Variants in DLG2 observed in about 807,000 individuals in gnomAD.
The protein encoded by DLG2 is discs large MAGUK scaffold protein 2.
A neutral mutation model predicts 132.5 loss-of-function variants in DLG2; 45 were observed. That is an observed-to-expected ratio of 0.34 (90% confidence interval 0.27 to 0.44). DLG2 has a LOEUF of 0.44. Among genes scored for constraint, DLG2 ranks in the 20% least tolerant of loss-of-function variants. The pLI, the probability that DLG2 is intolerant of heterozygous loss-of-function variation, is 1.00. For synonymous variants in DLG2, 424 were observed against 419.6 expected, an observed-to-expected ratio of 1.01 and a Z score of -0.13; for missense variants, 1,045 against 1,196.9, an observed-to-expected ratio of 0.87 and a Z score of 1.87.
intron 3 of DLG2, among the ~76,000 whole-genome samples, chr11:85,552,317 A>C (rs558188408): frequency 6.6e-6 from 1 of 151,702 alleles, no homozygotes; most frequent in East Asian, 1.9e-4. Flanking sequence ...AAATAAATGC[A>C]AAACTCATTT....
intron 6 of DLG2, among the ~76,000 whole-genome samples, chr11:84,951,217 T>A (rs1160356546): frequency 6.6e-6 from 1 of 152,206 alleles, no homozygotes; most frequent in African/African-American, 2.4e-5. Context: ...ATGCTAGAAA[T>A]CATGCCAAGA....
At chr11:84,173,595 C>G (rs539551106) in intron 8 of DLG2, among the ~76,000 whole-genome samples, 11 of 152,244 alleles carry the variant, frequency 7.2e-5, no homozygotes, top group African/African-American at 2.6e-4. Flanking sequence ...ACCAGATAGT[C>G]AAGAATATTT....
At chr11:84,371,885 A>G (rs2098708168) in intron 7 of DLG2, among the ~76,000 whole-genome samples, 1 of 152,198 alleles carries the variant, frequency 6.6e-6, no homozygotes, top group Non-Finnish European at 1.5e-5. Flanking sequence ...TTACTTTATT[A>G]AAAAGATAAC....
At chr11:85,227,426 A>G (rs1251493654) in intron 4 of DLG2, among the ~76,000 whole-genome samples, 1 of 152,104 alleles carries the variant, frequency 6.6e-6, no homozygotes, top group African/African-American at 2.4e-5. Flanking sequence ...ACAGTCACTC[A>G]TCAGATATAC....
intron 18 of DLG2, among the ~76,000 whole-genome samples, chr11:83,695,583 AC>A (rs1252539224): frequency 6.6e-6 from 1 of 152,118 alleles, no homozygotes; most frequent in Non-Finnish European, 1.5e-5. Context: ...TACTAAAAAT[AC>A]CAAAATTAGC....
At chr11:85,593,886 G>A (rs2079545593) in intron 3 of DLG2, among the ~76,000 whole-genome samples, 1 of 152,004 alleles carries the variant, frequency 6.6e-6, no homozygotes, top group Non-Finnish European at 1.5e-5. Context: ...TTAATTGTGT[G>A]TTTAATGTCT....
At chr11:84,238,824 T>G (rs1423666702) in intron 8 of DLG2, among the ~76,000 whole-genome samples, 1 of 152,154 alleles carries the variant, frequency 6.6e-6, no homozygotes, top group Non-Finnish European at 1.5e-5. Context: ...CTGTCTTCCC[T>G]GTCATCATCT....
rs1411656122 is a variant in DLG2, at chr11:85,035,852, C to T, written c.357+75809G>A. On this transcript the variant is annotated intron_variant, in intron 6 of 27. Transcript: ENST00000376104. ...CATGCTTATCTTGAGTTATGATAAC[C>T]CCCACCCATCCGTCATGCATATTTG... is the stretch of plus-strand genomic sequence containing the variant. 2.6e-5 allele frequency among the ~76,000 whole-genome samples: 4 copies of T among 152,048 alleles called. No individual in the cohort carries two copies. In the East Asian group the frequency reaches 7.7e-4, roughly 29 times the overall value.
chr11:85,135,215 C>CT, intron 5 of DLG2, among the ~76,000 whole-genome samples: 1 of 152,238 alleles, frequency 6.6e-6, no homozygotes, highest in Non-Finnish European at 1.5e-5. Flanking sequence ...CCTATAGCAC[C>CT]TTAAAGTTGA....
At chr11:85,557,686 G>A (rs932960770) in intron 3 of DLG2, among the ~76,000 whole-genome samples, 1 of 151,732 alleles carries the variant, frequency 6.6e-6, no homozygotes, top group Non-Finnish European at 1.5e-5. Context: ...ACAAAGTCCA[G>A]CAAAAACAAG....
At chr11:84,070,408 C>G (rs765294249) in intron 10 of DLG2, among the ~76,000 whole-genome samples, 23 of 152,102 alleles carry the variant, frequency 1.5e-4, no homozygotes, top group Admixed American at 1.2e-3. Context: ...CCATAATGTC[C>G]CAATTGCAAA....
At chr11:84,713,376 T>C (rs1253072743) in intron 6 of DLG2, among the ~76,000 whole-genome samples, 1 of 152,056 alleles carries the variant, frequency 6.6e-6, no homozygotes, top group Non-Finnish European at 1.5e-5. Flanking sequence ...AAAGATTAAG[T>C]GAGTTGACAT....
intron 7 of DLG2, among the ~76,000 whole-genome samples, chr11:84,287,304 C>T (rs2097918961): frequency 6.6e-6 from 1 of 152,066 alleles, no homozygotes; most frequent in Non-Finnish European, 1.5e-5. Flanking sequence ...ATTCTTACAA[C>T]AATCCTAGGA....
intron 12 of DLG2, among the ~76,000 whole-genome samples, chr11:83,974,293 C>A (rs1268432036): frequency 2.0e-5 from 3 of 152,038 alleles, no homozygotes; most frequent in African/African-American, 7.2e-5. Context: ...AAAATAATAA[C>A]AATTTCAGTC....
intron 6 of DLG2, among the ~76,000 whole-genome samples, chr11:84,820,468 T>C (rs2077545710): frequency 6.6e-6 from 1 of 151,870 alleles, no homozygotes; most frequent in Non-Finnish European, 1.5e-5. Context: ...TGGCTCTCTA[T>C]TGCCCAAAGG....
At chr11:84,142,775 A>G (rs1307236138) in intron 9 of DLG2, among the ~76,000 whole-genome samples, 1 of 152,106 alleles carries the variant, frequency 6.6e-6, no homozygotes, top group African/African-American at 2.4e-5. Flanking sequence ...TAGATTTTAT[A>G]TGGATCCTGC....
intron 6 of DLG2, among the ~76,000 whole-genome samples, chr11:85,080,442 T>C (rs140873494): frequency 2.0e-5 from 3 of 152,276 alleles, no homozygotes; most frequent in East Asian, 3.9e-4. Flanking sequence ...TGATCTAATA[T>C]TAACTCATAG....
intron 21 of DLG2, among the ~76,000 whole-genome samples, chr11:83,532,015 C>T (rs1193515795): frequency 6.6e-6 from 1 of 151,920 alleles, no homozygotes; most frequent in Non-Finnish European, 1.5e-5. Flanking sequence ...TGGGAGGTGA[C>T]TGTCAATGCA....
intron 6 of DLG2, among the ~76,000 whole-genome samples, chr11:85,028,581 G>C (rs1306121598): frequency 6.6e-6 from 1 of 152,184 alleles, no homozygotes; most frequent in Non-Finnish European, 1.5e-5. Flanking sequence ...GGCTGAGGGG[G>C]CAGAGGGCTG....
Sources: gnomAD v4.1 joint callset for allele counts (sites outside exome capture counted in the v4.1 genomes callset) on GRCh38, gnomAD v4.1.1 for gene constraint, MANE v1.5 for transcripts, NCBI Gene and HGNC (gene_info 2026-07-23, HGNC 2026-07-21) for gene names.